CPLX2: variants seen among roughly 807,000 people sequenced by gnomAD.
CPLX2 encodes the protein complexin-2.
In CPLX2, 5 loss-of-function variants were observed where a neutral mutation model predicts 16.3. The ratio of observed to expected loss-of-function variants is 0.31; its 90% CI spans 0.16 to 0.64. The LOEUF (loss-of-function observed/expected upper bound fraction) is 0.64, where lower values mean the gene tolerates loss of function less well. CPLX2 is among the 30% of genes least tolerant of loss of function. The pLI is 0.79. For missense variants in CPLX2, 144 were observed against 181.4 expected (o/e 0.79, Z 1.18); for synonymous variants, 89 against 73.2 (o/e 1.22, Z -1.10).
intron 1 of CPLX2, among the ~76,000 whole-genome samples, chr5:175,877,696 T>C (rs770056832): frequency 3.3e-5 from 5 of 152,172 alleles, no homozygotes; most frequent in Non-Finnish European, 7.4e-5. Flanking sequence ...CTCAGGGATG[T>C]AGGGGGAAGA....
chr5:175,854,360 A>G (rs1289263281), intron 2 of CPLX2, among the ~76,000 whole-genome samples: 1 of 152,092 alleles, frequency 6.6e-6, no homozygotes, highest in Non-Finnish European at 1.5e-5. Context: ...TTTCCTCCAT[A>G]AAGTCACTGG....
chr5:175,851,216 T>G (rs1051795861), intron 2 of CPLX2, among the ~76,000 whole-genome samples: 3 of 152,046 alleles, frequency 2.0e-5, no homozygotes, highest in Admixed American at 1.3e-4. Context: ...CCCCCTTTGG[T>G]TTGAGCTGGG....
At chr5:175,851,890 C>CA (rs761142980) in intron 2 of CPLX2, among the ~76,000 whole-genome samples, 52 of 152,232 alleles carry the variant, frequency 3.4e-4, no homozygotes, top group Non-Finnish European at 5.1e-4. Flanking sequence ...TGTATTTTGA[C>CA]AAGCCTGCCA....
upstream of CPLX2, among the ~76,000 whole-genome samples, chr5:175,868,934 A>G (rs74726076): frequency 2.6e-3 from 391 of 152,334 alleles, no homozygotes; most frequent in African/African-American, 8.6e-3. Context: ...CCCATCTTGA[A>G]CATAAGTGCT....
At chr5:175,853,113 T>C (rs1561783946) in intron 2 of CPLX2, among the ~76,000 whole-genome samples, 1 of 152,248 alleles carries the variant, frequency 6.6e-6, no homozygotes, top group Non-Finnish European at 1.5e-5. Context: ...TAATAACAAG[T>C]GATACTAGTT....
rs927591141 is a variant in CPLX2, at chr5:175,878,664, T to G, written c.-76T>G. 1 of 1,560,702 alleles carries G rather than the reference T, an allele frequency of 6.4e-7. No individual in the cohort carries two copies. The stretch of plus-strand genomic sequence containing the variant: ...TTCTCTTCTGCAGGTTGTCACATCT[T>G]CCCAAGCCAGGCCAGCCAGGAGCGC... On this transcript the variant is annotated 5_prime_UTR_variant, in exon 2 of 4. Transcript: ENST00000393745.
At chr5:175,810,711 C>A (rs1758297550) in intron 2 of CPLX2, among the ~76,000 whole-genome samples, 1 of 152,232 alleles carries the variant, frequency 6.6e-6, no homozygotes, top group Non-Finnish European at 1.5e-5. Context: ...TCCCACTCAC[C>A]ACCCACCTCT....
intron 2 of CPLX2, among the ~76,000 whole-genome samples, chr5:175,847,195 C>T (rs1759058433): frequency 6.6e-6 from 1 of 152,124 alleles, no homozygotes; most frequent in African/African-American, 2.4e-5. Context: ...TGCTGTGAGG[C>T]GAGGAGTATT....
intron 2 of CPLX2, among the ~76,000 whole-genome samples, chr5:175,816,044 T>C (rs1400752536): frequency 6.6e-6 from 1 of 152,246 alleles, no homozygotes. Context: ...TTGTTTCTCC[T>C]TAACATGATG....
chr5:175,856,297 C>T (rs926807940), intron 2 of CPLX2, among the ~76,000 whole-genome samples: 3 of 152,238 alleles, frequency 2.0e-5, no homozygotes, highest in South Asian at 2.1e-4. Flanking sequence ...GTGTGCCTCA[C>T]ATTCAGCTGA....
chr5:175,876,870 C>T (rs1181259966), intron 1 of CPLX2, among the ~76,000 whole-genome samples: 9 of 152,136 alleles, frequency 5.9e-5, no homozygotes, highest in African/African-American at 1.7e-4. Flanking sequence ...TTAAATCGAA[C>T]GAAAACATCT....
rs538619344 is a variant in CPLX2 at position 175,825,728 on chromosome 5, G to A, written c.-89+16660G>A. Among the ~76,000 whole-genome samples, 37 of 152,090 alleles carry A rather than the reference G, an allele frequency of 2.4e-4. 1 individual carries two copies. Among genetic ancestry groups the A allele is most frequent in the Middle Eastern group, 3.4e-3 (1 of 294 alleles). ...TCCACATCTGGTTTTATTGCTGGGC[G>A]GGAGATAGCTTGACCATTCCCATCA... On this transcript the variant is annotated intron_variant, in intron 2 of 4. Transcript: ENST00000359546.
chr5:175,878,942 AGAG>A lies in CPLX2; in HGVS notation c.73_75del (p.Glu25del), dbSNP rs747742596. 2.6e-5 allele frequency: 42 copies of A among 1,607,536 alleles called. No homozygotes were observed. The highest frequency in any genetic ancestry group is 3.4e-5 in the Non-Finnish European group (40 of 1,177,522). On this transcript the variant is annotated inframe_deletion, in exon 3 of 4. Coordinates refer to ENST00000393745, the MANE Select transcript of CPLX2 (RefSeq NM_001008220.2). ...AGGACATGGGGAAGATGCTGGGGGG[AGAG>A]GAGGAGAAGGACCCCGACGCGCAGA...
At chr5:175,879,442 C>T (rs1469553649) in intron 3 of CPLX2, among the ~76,000 whole-genome samples, 1 of 152,238 alleles carries the variant, frequency 6.6e-6, no homozygotes, top group Non-Finnish European at 1.5e-5. Flanking sequence ...CCCAGCGGGT[C>T]TGGGGCTGCC....
intron 2 of CPLX2, among the ~76,000 whole-genome samples, chr5:175,852,456 C>T (rs1425135699): frequency 6.6e-6 from 1 of 151,148 alleles, no homozygotes; most frequent in East Asian, 1.9e-4. Context: ...TGGCTTCAAA[C>T]AGTTTCTCGG....
At chr5:175,821,465 T>A (rs1758507155) in intron 2 of CPLX2, among the ~76,000 whole-genome samples, 1 of 152,190 alleles carries the variant, frequency 6.6e-6, no homozygotes, top group Non-Finnish European at 1.5e-5. Context: ...TGGAGTGCAA[T>A]GGCGCGATCT....
upstream of CPLX2, chr5:175,871,427 G>GAAAC (rs1561790288): frequency 9.2e-6 from 1 of 108,168 alleles, no homozygotes; most frequent in Admixed American, 8.8e-5. Context: ...GAGAGAGAGA[G>GAAAC]AGAGACAGAG....
chr5:175,814,262 C>T (rs998669408), intron 2 of CPLX2, among the ~76,000 whole-genome samples: 1 of 152,216 alleles, frequency 6.6e-6, no homozygotes, highest in Non-Finnish European at 1.5e-5. Context: ...AGGCCCCATC[C>T]TAAGAAGGAG....
At chr5:175,797,849 T>C (rs148723342) in intron 1 of CPLX2, among the ~76,000 whole-genome samples, 31 of 152,302 alleles carry the variant, frequency 2.0e-4, no homozygotes, top group African/African-American at 7.5e-4. Context: ...AGGGCGTCTG[T>C]GAAGCCGGGA....
Sources: allele counts gnomAD v4.1 joint callset (sites outside exome capture counted in the v4.1 genomes callset), GRCh38; gene constraint gnomAD v4.1.1; transcripts MANE v1.5; gene names NCBI Gene and HGNC (gene_info 2026-07-23, HGNC 2026-07-21).